The following TARBP2 variants were observed in gnomAD, a reference collection of about 807,000 sequenced individuals.
TARBP2 encodes TARBP2 subunit of RISC loading complex.
Under a neutral mutation model 40.4 loss-of-function variants are expected in TARBP2, and 23 were observed. That is an observed-to-expected ratio of 0.57 (90% CI 0.41 to 0.81). The LOEUF (loss-of-function observed/expected upper bound fraction) is 0.81, where lower values mean the gene tolerates loss of function less well. TARBP2 is among the 30% of genes least tolerant of loss of function. The pLI, the probability that TARBP2 is intolerant of heterozygous loss-of-function variation, is 0.00. For synonymous variants in TARBP2, 183 were observed against 190.5 expected (o/e 0.96, Z 0.32); for missense variants, 358 against 473.7 (o/e 0.76, Z 2.27).
chr12:53,502,434 T>A (rs1038106059), intron 2 of TARBP2: 11 of 509,318 alleles, frequency 2.2e-5, no homozygotes, highest in Non-Finnish European at 1.1e-5. Flanking sequence ...AGAGGAAAAG[T>A]AAGAGAAGAT....
rs776605822 is a variant in TARBP2 at position 53,502,197 on chromosome 12, T to G, written c.223+13T>G. The G allele has an allele frequency of 1.4e-5, 22 of 1,613,822 alleles. No individual in the cohort carries two copies. The highest frequency in any genetic ancestry group is 1.8e-5 in the Non-Finnish European group (21 of 1,179,922). On this transcript the variant is annotated intron_variant, in intron 2 of 8. Coordinates refer to ENST00000266987, the MANE Select transcript of TARBP2 (RefSeq NM_134323.2). ...ACCAGCTGCACTGGTGAGGAAGGCT[T>G]GGGCAGCCTGGCTGGGGTGTGCATT...
chr12:53,505,515 C>T lies in TARBP2; in HGVS notation c.742-134C>T, dbSNP rs74089603. On this transcript the variant is annotated intron_variant, in intron 7 of 8. Transcript: ENST00000266987. The surrounding 1 kb of genome is among the most constrained non-coding windows in gnomAD (Gnocchi z 4.5). ...AGGGCCTGGTAGTTAGAAGGGGCCACCCAGGGATTGACTGGGGGGAGGCAA... is the reference window on the plus strand; with the variant it reads ...AGGGCCTGGTAGTTAGAAGGGGCCATCCAGGGATTGACTGGGGGGAGGCAA... 7,222 of 1,108,576 alleles carry T rather than the reference C, an allele frequency of 6.5e-3. 340 individuals are homozygous for T. In the African/African-American group the frequency reaches 0.099, roughly 15 times the overall value. The allele number at this position is 1,108,576 out of a possible 1,614,324, so 68.7% of individuals were successfully genotyped here.
Position 53,505,649 on chromosome 12 carries a change from G to A in TARBP2, c.742G>A (p.Gly248Ser). Residue 248 changes from glycine to serine, a missense_variant and splice_region_variant, in exon 8 of 9, where the codon GGT becomes AGT. Coordinates refer to ENST00000266987, the MANE Select transcript of TARBP2 (RefSeq NM_134323.2). This position sits in a 1 kb window ranked among gnomAD's most constrained non-coding sequence, Gnocchi z 4.5. ...TTTCTCACTGTTCCCATCTTGACAG[G>A]GTGTGGGCTCCCGCCTGGATGGTCT... is the stretch of plus-strand genomic sequence containing the variant. ...VEPDDDHFSIGVGSRLDGLRN... is the reference protein window; with the variant it reads ...VEPDDDHFSISVGSRLDGLRN... 6.2e-7 allele frequency: 1 copy of A among 1,614,036 alleles called. No individual in the cohort carries two copies. The highest frequency in any genetic ancestry group is 8.5e-7 in the Non-Finnish European group (1 of 1,179,928).
chr12:53,501,967 G>C, intron 1 of TARBP2, 48 bp from the exon 2 acceptor site: 1 of 1,607,828 alleles, frequency 6.2e-7, no homozygotes, highest in Non-Finnish European at 8.5e-7. Flanking sequence ...TTGGCTAGGT[G>C]GGTGCAGAGA....
At chr12:53,501,789 C>A in intron 1 of TARBP2, 1 of 1,356,986 alleles carries the variant, frequency 7.4e-7, no homozygotes, top group South Asian at 1.5e-5. Flanking sequence ...TCGTGCCCAC[C>A]TTAACTGAGG....
In TARBP2 at chr12:53,505,274, A is replaced by G. The variant is rs771881632; in HGVS notation, c.741+12A>G. 14 of 1,580,098 alleles carry G rather than the reference A, an allele frequency of 8.9e-6. No homozygotes were observed. Among genetic ancestry groups the G allele is most frequent in the Admixed American group, 1.7e-5 (1 of 58,042 alleles). On this transcript the variant is annotated intron_variant, in intron 7 of 8. Coordinates refer to ENST00000266987, the MANE Select transcript of TARBP2 (RefSeq NM_134323.2). The surrounding 1 kb of genome is among the most constrained non-coding windows in gnomAD (Gnocchi z 4.5). Reference sequence around the variant, plus strand: ...ACCACTTCTCCATTGTGAGTGGCTCATGTGGGCCGGGCACCGTGGCCCATC... The same window carrying G: ...ACCACTTCTCCATTGTGAGTGGCTCGTGTGGGCCGGGCACCGTGGCCCATC...
Position 53,505,645 on chromosome 12 carries a change from A to T in TARBP2, c.742-4A>T, listed in dbSNP as rs187677983. 1,070 of 1,613,774 alleles carry T rather than the reference A, an allele frequency of 6.6e-4. 10 individuals carry two copies. The East Asian group carries it at 0.02, about 31-fold the overall frequency. On this transcript the variant is annotated splice_region_variant and splice_polypyrimidine_tract_variant and intron_variant, in intron 7 of 8. Coordinates refer to ENST00000266987, the MANE Select transcript of TARBP2 (RefSeq NM_134323.2). This position sits in a 1 kb window ranked among gnomAD's most constrained non-coding sequence, Gnocchi z 4.5. The stretch of plus-strand genomic sequence containing the variant: ...CATCTTTCTCACTGTTCCCATCTTG[A>T]CAGGGTGTGGGCTCCCGCCTGGATG...
At chr12:53,503,314 AG>A in intron 3 of TARBP2, 185 bp downstream of exon 3, 1 of 1,356,168 alleles carries the variant, frequency 7.4e-7, no homozygotes, top group Non-Finnish European at 9.6e-7. Context: ...CTTGGGGTGG[AG>A]GGGTTGGTTA....
Position 53,504,265 on chromosome 12 carries a change from C to G in TARBP2, c.423-132C>G, listed in dbSNP as rs1943855604. 19 of 844,768 alleles carry G rather than the reference C, an allele frequency of 2.2e-5. 1 individual carries two copies. The highest frequency in any genetic ancestry group is 3.4e-5 in the Non-Finnish European group (19 of 554,762). The allele number at this position is 844,768 out of a possible 1,614,324, so 52.3% of individuals were successfully genotyped here. A position where few individuals can be genotyped will look rare whatever the true frequency, so the allele number is the denominator to read the frequency against. On this transcript the variant is annotated intron_variant, in intron 4 of 8. Transcript: ENST00000266987. ...AGGAGGAGCAGGCTAGATGTGTGGA[C>G]AGACAGCTCCCCACCCGGTGGAATC...
At chr12:53,500,932 T>G (rs571814346), upstream of TARBP2, 4 of 163,086 alleles carry the variant, frequency 2.5e-5, no homozygotes, top group African/African-American at 9.6e-5. Context: ...CCTCTCCAGC[T>G]GCGACACAGA....
intron 3 of TARBP2, chr12:53,503,475 C>T (rs1313041366): frequency 1.7e-5 from 10 of 574,108 alleles, no homozygotes; most frequent in East Asian, 1.2e-4. Flanking sequence ...GTTTGTTGCT[C>T]CTCTGGTTCT....
At chr12:53,500,997 C>T (rs1565896694), upstream of TARBP2, 1 of 205,366 alleles carries the variant, frequency 4.9e-6, no homozygotes, top group Non-Finnish European at 1.0e-5. Flanking sequence ...AGGCTCCGTG[C>T]CCAAGTGAGT....
rs1245584379 is a variant in TARBP2, at chr12:53,503,010, C to T, written c.224-17C>T. 1.9e-6 allele frequency: 3 copies of T among 1,546,498 alleles called. No homozygotes were observed. The highest frequency in any genetic ancestry group is 2.6e-6 in the Non-Finnish European group (3 of 1,144,146). ...CCTTTCAGTGACCTCCAGTATTGCC[C>T]ATGCCCCCTCTCTCAGGTCAGGGCC... On this transcript the variant is annotated splice_polypyrimidine_tract_variant and intron_variant, in intron 2 of 8. Transcript: ENST00000266987.
chr12:53,500,945 G>A (rs2031688885), upstream of TARBP2: 1 of 163,728 alleles, frequency 6.1e-6, no homozygotes, highest in Non-Finnish European at 1.3e-5. Context: ...GACACAGATG[G>A]CGCGCGGGCT....
intron 1 of TARBP2, 68 bp downstream of exon 1, chr12:53,501,529 G>C (rs1275198840): frequency 1.3e-6 from 2 of 1,547,458 alleles, no homozygotes. Flanking sequence ...GTAGCGGCGC[G>C]GCCCCAGCAT....
At chr12:53,503,857 GT>G (rs760175793) in intron 4 of TARBP2, 49 bp downstream of exon 4, 18 of 1,495,076 alleles carry the variant, frequency 1.2e-5, no homozygotes, top group Non-Finnish European at 1.2e-5. Context: ...AGGGGTTCTG[GT>G]TTTTGGTCCC....
At position 53,501,350 on chromosome 12, in the gene TARBP2, G is replaced by T; in HGVS notation, c.-59G>T. 2.6e-6 allele frequency: 4 copies of T among 1,545,548 alleles called. No individual in the cohort carries two copies. In the East Asian group the frequency reaches 9.8e-5, roughly 38 times the overall value. ...TGGCCCCGGCCCTAGCTCGTCGGCT[G>T]TGTATTGGGGCGCGTGGAGGCTGCA... On this transcript the variant is annotated 5_prime_UTR_variant, in exon 1 of 9. Coordinates refer to ENST00000266987, the MANE Select transcript of TARBP2 (RefSeq NM_134323.2).
Position 53,501,461 on chromosome 12 carries a change from G to A in TARBP2, c.53G>A (p.Ser18Asn). Reference sequence around the variant, plus strand: ...ACTACCACGGGCTGCGGGCTGCCTAGGTGAGCCGTCTCGTACCGATTCCTT... The same window carrying A: ...ACTACCACGGGCTGCGGGCTGCCTAAGTGAGCCGTCTCGTACCGATTCCTT... The part of the protein sequence containing the change: ...SGTTTGCGLP[S>N]IEQMLAANPG... The change falls in exon 1 of 9, where the codon AGT (serine) becomes AAT (asparagine). Residue 18 changes from serine (S) to asparagine (N), a missense_variant and splice_region_variant. Physicochemically the swap from Ser to Asn is conservative, Grantham distance 46. This residue lies in a region of TARBP2 where 32 missense variants were observed against 21.6 expected (regional missense o/e 1.48). Coordinates refer to ENST00000266987, the MANE Select transcript of TARBP2 (RefSeq NM_134323.2). The A allele has an allele frequency of 6.4e-7, 1 of 1,567,128 alleles. No individual in the cohort carries two copies. Among genetic ancestry groups the A allele is most frequent in the South Asian group, 1.2e-5 (1 of 85,150 alleles).
rs376658911 is a variant in TARBP2 at position 53,505,896 on chromosome 12, C to T, written c.943+46C>T. On this transcript the variant is annotated intron_variant, in intron 8 of 8. Coordinates refer to ENST00000266987, the MANE Select transcript of TARBP2 (RefSeq NM_134323.2). This position sits in a 1 kb window ranked among gnomAD's most constrained non-coding sequence, Gnocchi z 4.5. ...AGCCAGGGGATGGTGGGGGCTGGAC[C>T]GGAGCAAGTAGAAGGGGGTGATGAT... 1.1e-5 allele frequency: 17 copies of T among 1,607,174 alleles called. No homozygotes were observed. Among genetic ancestry groups the T allele is most frequent in the East Asian group, 8.9e-5 (4 of 44,700 alleles).
Sources: allele counts gnomAD v4.1 joint callset, GRCh38; gene constraint gnomAD v4.1.1; regional missense constraint gnomAD v4.1.1; non-coding constraint Gnocchi (gnomAD v3.1); transcripts MANE v1.5; gene names NCBI Gene and HGNC (gene_info 2026-07-23, HGNC 2026-07-21).